MAP1B: variants seen among roughly 807,000 people sequenced by gnomAD.
MAP1B encodes microtubule-associated protein 1B.
In MAP1B, 12 loss-of-function variants were observed where a neutral mutation model predicts 176.1. That is an observed-to-expected ratio of 0.07 (90% CI 0.04 to 0.11). The LOEUF is 0.11. Among genes scored for constraint, MAP1B ranks in the 10% least tolerant of loss-of-function variants. The pLI is 1.00. For missense variants in MAP1B, 2,523 were observed against 2,990.5 expected (o/e 0.84, Z 3.65); for synonymous variants, 1,044 against 1,135.0 (o/e 0.92, Z 1.61).
At chr5:72,191,931 T>C (rs1747034074) in intron 4 of MAP1B, among the ~76,000 whole-genome samples, 3 of 152,180 alleles carry the variant, frequency 2.0e-5, no homozygotes, top group Non-Finnish European at 4.4e-5. Flanking sequence ...TCTTTCTACC[T>C]TCTGCTTCAA....
intron 2 of MAP1B, among the ~76,000 whole-genome samples, chr5:72,164,176 C>G (rs1746385177): frequency 6.6e-6 from 1 of 152,152 alleles, no homozygotes; most frequent in East Asian, 1.9e-4. Context: ...AGTGATCCTC[C>G]TGTCTTGGCC....
intron 2 of MAP1B, among the ~76,000 whole-genome samples, chr5:72,147,577 G>A (rs1209477444): frequency 1.3e-5 from 2 of 152,150 alleles, no homozygotes; most frequent in East Asian, 1.9e-4. Context: ...CTTGGTCCCT[G>A]GAAGCCCAGG....
At chr5:72,120,658 C>A (rs914432260) in intron 2 of MAP1B, among the ~76,000 whole-genome samples, 1 of 151,958 alleles carries the variant, frequency 6.6e-6, no homozygotes, top group African/African-American at 2.4e-5. Flanking sequence ...GATCTCCTGA[C>A]CTCATCATCC....
intron 2 of MAP1B, among the ~76,000 whole-genome samples, chr5:72,131,468 A>C (rs1745731478): frequency 6.6e-6 from 1 of 152,258 alleles, no homozygotes; most frequent in Admixed American, 6.5e-5. Flanking sequence ...CTGAGGAAAT[A>C]GGAACAATCC....
chr5:72,159,684 C>T (rs1160036381), intron 2 of MAP1B, among the ~76,000 whole-genome samples: 1 of 152,154 alleles, frequency 6.6e-6, no homozygotes, highest in Non-Finnish European at 1.5e-5. Flanking sequence ...ATTTTAGAGG[C>T]AGGCAGCCTT....
At chr5:72,143,973 A>C (rs1461683658) in intron 2 of MAP1B, among the ~76,000 whole-genome samples, 1 of 151,990 alleles carries the variant, frequency 6.6e-6, no homozygotes, top group African/African-American at 2.4e-5. Flanking sequence ...ATCTACCTCC[A>C]GTGTCACGTG....
intron 1 of MAP1B, among the ~76,000 whole-genome samples, chr5:72,113,208 C>G (rs1443836537): frequency 6.6e-6 from 1 of 152,070 alleles, no homozygotes; most frequent in African/African-American, 2.4e-5. Flanking sequence ...TGGCCTGATT[C>G]CAAAATTTTC....
intron 2 of MAP1B, among the ~76,000 whole-genome samples, chr5:72,150,257 A>G (rs1206045632): frequency 1.3e-5 from 2 of 152,218 alleles, no homozygotes; most frequent in African/African-American, 2.4e-5. Flanking sequence ...GAATCCATTT[A>G]ATATTTTATA....
chr5:72,188,067 C>T (rs545407828), intron 4 of MAP1B, among the ~76,000 whole-genome samples: 11 of 152,284 alleles, frequency 7.2e-5, no homozygotes, highest in South Asian at 6.2e-4. Flanking sequence ...CTAGAGTTCA[C>T]GCATCTTGCC....
At chr5:72,203,433 C>T in intron 5 of MAP1B, 130 bp from the exon 6 acceptor site, 1 of 720,164 alleles carries the variant, frequency 1.4e-6, no homozygotes, top group South Asian at 1.6e-5. Context: ...ATGCTGTCAC[C>T]ACTTTGCATG....
At chr5:72,156,466 C>G (rs1010490004) in intron 2 of MAP1B, among the ~76,000 whole-genome samples, 2 of 152,084 alleles carry the variant, frequency 1.3e-5, no homozygotes, top group Admixed American at 1.3e-4. Context: ...AGCATGGCCA[C>G]AAAATAAGAG....
chr5:72,163,029 A>G (rs1746355479), intron 2 of MAP1B, among the ~76,000 whole-genome samples: 1 of 152,130 alleles, frequency 6.6e-6, no homozygotes, highest in Non-Finnish European at 1.5e-5. Context: ...GGAGATCGAG[A>G]CCAGCCTGGC....
intron 2 of MAP1B, among the ~76,000 whole-genome samples, chr5:72,124,716 C>T (rs2112132843): frequency 6.6e-6 from 1 of 152,338 alleles, no homozygotes; most frequent in Admixed American, 6.5e-5. Flanking sequence ...CTCAATAAAA[C>T]AGGTTTTCAA....
At chr5:72,135,620 T>C (rs897422139) in intron 2 of MAP1B, among the ~76,000 whole-genome samples, 18 of 152,202 alleles carry the variant, frequency 1.2e-4, no homozygotes, top group Non-Finnish European at 1.6e-4. Context: ...TGGGAGTTTT[T>C]AGAAACCCTT....
chr5:72,140,140 T>A (rs1188109792), intron 2 of MAP1B, among the ~76,000 whole-genome samples: 1 of 152,116 alleles, frequency 6.6e-6, no homozygotes, highest in Non-Finnish European at 1.5e-5. Context: ...TTTTTGTATT[T>A]TTTGTAGAGA....
At chr5:72,181,217 T>C (rs1746758480) in intron 2 of MAP1B, among the ~76,000 whole-genome samples, 1 of 152,162 alleles carries the variant, frequency 6.6e-6, no homozygotes, top group African/African-American at 2.4e-5. Flanking sequence ...GAAAGTAGGA[T>C]GGTGGGGGAG....
At chr5:72,109,953 A>G (rs1178526966) in intron 1 of MAP1B, among the ~76,000 whole-genome samples, 1 of 152,196 alleles carries the variant, frequency 6.6e-6, no homozygotes, top group Non-Finnish European at 1.5e-5. Flanking sequence ...AGCTGCATCT[A>G]TTTATGGAGA....
At chr5:72,141,061 CTG>C (rs1745940020) in intron 2 of MAP1B, among the ~76,000 whole-genome samples, 1 of 152,202 alleles carries the variant, frequency 6.6e-6, no homozygotes, top group Non-Finnish European at 1.5e-5. Context: ...TTTTTGGTGT[CTG>C]TGTCTTCTGG....
chr5:72,113,128 T>C (rs957360145), intron 1 of MAP1B, among the ~76,000 whole-genome samples: 23 of 152,362 alleles, frequency 1.5e-4, no homozygotes, highest in African/African-American at 5.3e-4. Context: ...TCTTTGCCTT[T>C]ACCAATATTA....
Sources: gnomAD v4.1 joint callset for allele counts (sites outside exome capture counted in the v4.1 genomes callset) on GRCh38, gnomAD v4.1.1 for gene constraint, MANE v1.5 for transcripts, NCBI Gene and HGNC (gene_info 2026-07-23, HGNC 2026-07-21) for gene names.